Variants in DNAJC6 observed in about 807,000 individuals in gnomAD.
DNAJC6 encodes the protein auxilin.
A neutral mutation model predicts 110.0 loss-of-function variants in DNAJC6; 34 were observed. The ratio of observed to expected loss-of-function variants is 0.31; its 90% CI spans 0.24 to 0.41. The LOEUF (loss-of-function observed/expected upper bound fraction) is 0.41. Ranked by LOEUF, DNAJC6 falls within the 10% of genes least tolerant of loss-of-function variation. The pLI is 1.00. For missense variants in DNAJC6, 1,031 were observed against 1,207.8 expected, an observed-to-expected ratio of 0.85 and a Z score of 2.17; for synonymous variants, 406 against 437.2, an observed-to-expected ratio of 0.93 and a Z score of 0.89.
intron 5 of DNAJC6, 28 bp downstream of exon 5, chr1:65,379,552 A>G (rs1307783783): frequency 5.0e-6 from 8 of 1,612,806 alleles, no homozygotes; most frequent in East Asian, 2.2e-5. Context: ...GTTGGTGGTG[A>G]TGGTTTGGTT....
intron 1 of DNAJC6, among the ~76,000 whole-genome samples, chr1:65,311,267 C>T (rs1035165239): frequency 1.4e-4 from 18 of 127,346 alleles, no homozygotes; most frequent in Admixed American, 7.7e-4. Flanking sequence ...CTCTGTTGCC[C>T]GGGCTGGAGT....
chr1:65,381,578 G>A (rs1645823184), intron 5 of DNAJC6, among the ~76,000 whole-genome samples: 1 of 151,740 alleles, frequency 6.6e-6, no homozygotes, highest in South Asian at 2.1e-4. Flanking sequence ...ATAACAATAG[G>A]CTATACTAGT....
intron 4 of DNAJC6, among the ~76,000 whole-genome samples, chr1:65,366,444 T>C (rs1394720127): frequency 1.3e-5 from 2 of 152,216 alleles, no homozygotes; most frequent in African/African-American, 4.8e-5. Context: ...TCAAGTCTGT[T>C]GGTGCCTGGT....
intron 4 of DNAJC6, 73 bp from the exon 5 acceptor site, chr1:65,379,329 G>T: frequency 6.3e-7 from 1 of 1,575,332 alleles, no homozygotes; most frequent in Admixed American, 1.7e-5. Context: ...AGAAGATGTT[G>T]GTTGGTGTGA....
At position 65,407,502 on chromosome 1, in the gene DNAJC6, T is replaced by C. The variant is rs150383625; in HGVS notation, c.2492-1139T>C. On this transcript the variant is annotated intron_variant, in intron 16 of 18. Coordinates refer to ENST00000371069, the MANE Select transcript of DNAJC6 (RefSeq NM_001256864.2). ...CCTGGCAATCTGGCTCCAGAACCCC[T>C]GCCCTTCATTGCTACCCTCTACTGG... Among the ~76,000 whole-genome samples, 19 of 152,322 alleles carry C rather than the reference T, an allele frequency of 1.2e-4. No individual in the cohort carries two copies. In the East Asian group the frequency reaches 3.1e-3, roughly 25 times the overall value.
chr1:65,309,065 C>T (rs1645070840), upstream of DNAJC6, among the ~76,000 whole-genome samples: 1 of 152,190 alleles, frequency 6.6e-6, no homozygotes, highest in South Asian at 2.1e-4. Context: ...AGGACGGTTA[C>T]CGTCCTGGTG....
chr1:65,289,412 G>A (rs962276744), intron 1 of DNAJC6, among the ~76,000 whole-genome samples: 3 of 152,098 alleles, frequency 2.0e-5, no homozygotes, highest in Non-Finnish European at 4.4e-5. Context: ...GGCCAAGCTG[G>A]TCTTGATCTC....
intron 1 of DNAJC6, among the ~76,000 whole-genome samples, chr1:65,324,677 A>G (rs369610564): frequency 1.1e-4 from 17 of 152,078 alleles, no homozygotes; most frequent in African/African-American, 3.9e-4. Flanking sequence ...TTGTTTTCCC[A>G]GTGTTTGTTT....
In DNAJC6 at chr1:65,406,923, C is replaced by T. The variant is rs189385014; in HGVS notation, c.2491+790C>T. On this transcript the variant is annotated intron_variant, in intron 16 of 18. Transcript: ENST00000371069. ...TGGAAAGGCAATTCTTATGCTCTTC[C>T]TAATAGCTGTAGCTAACATTTATTG... Among the ~76,000 whole-genome samples, 8 of 152,276 alleles carry T rather than the reference C, an allele frequency of 5.3e-5. No individual in the cohort carries two copies. In the East Asian group the frequency reaches 1.4e-3, roughly 26 times the overall value.
At chr1:65,356,536 C>G (rs1233254157) in intron 1 of DNAJC6, among the ~76,000 whole-genome samples, 1 of 150,724 alleles carries the variant, frequency 6.6e-6, no homozygotes, top group Non-Finnish European at 1.5e-5. Flanking sequence ...TGCACTGCAG[C>G]CTAGATAACA....
chr1:65,375,982 T>A (rs1264536291), intron 4 of DNAJC6, among the ~76,000 whole-genome samples: 1 of 152,228 alleles, frequency 6.6e-6, no homozygotes, highest in East Asian at 1.9e-4. Flanking sequence ...CTTTTTTAAA[T>A]ATTTGGTAGA....
At chr1:65,339,292 A>G (rs1193627708) in intron 1 of DNAJC6, among the ~76,000 whole-genome samples, 1 of 152,186 alleles carries the variant, frequency 6.6e-6, no homozygotes, top group Non-Finnish European at 1.5e-5. Flanking sequence ...AAATTGCTGG[A>G]GTACGAACCC....
rs1297639464 is a variant in DNAJC6 at position 65,364,889 on chromosome 1, A to G, written c.344+104A>G. Reference sequence around the variant, plus strand: ...GCTCAAAGAGTGTCAATTTTGGGATATAATTTTATGGGATCTGATGAACTG... The same window carrying G: ...GCTCAAAGAGTGTCAATTTTGGGATGTAATTTTATGGGATCTGATGAACTG... On this transcript the variant is annotated intron_variant, in intron 2 of 18. Transcript: ENST00000371069. 9 of 1,440,126 alleles carry G rather than the reference A, an allele frequency of 6.2e-6. No homozygotes were observed. The Admixed American group carries it at 1.0e-4, about 16-fold the overall frequency. The allele number at this position is 1,440,126 out of a possible 1,614,324, so 89.2% of individuals were successfully genotyped here.
At chr1:65,272,503 C>G (rs1021074918) in intron 1 of DNAJC6, among the ~76,000 whole-genome samples, 5 of 152,090 alleles carry the variant, frequency 3.3e-5, no homozygotes, top group Non-Finnish European at 7.4e-5. Context: ...TGTTGTGGTG[C>G]CCTTGCCACA....
At chr1:65,267,415 A>G (rs1300790678) in intron 1 of DNAJC6, among the ~76,000 whole-genome samples, 1 of 152,238 alleles carries the variant, frequency 6.6e-6, no homozygotes, top group Non-Finnish European at 1.5e-5. Context: ...AGTGAGTCTT[A>G]GGCAACATTT....
chr1:65,359,149 T>G (rs993500296), intron 1 of DNAJC6, among the ~76,000 whole-genome samples: 5 of 152,244 alleles, frequency 3.3e-5, no homozygotes, highest in Non-Finnish European at 5.9e-5. Context: ...ATATAATTTC[T>G]AAATGACTAT....
intron 8 of DNAJC6, among the ~76,000 whole-genome samples, chr1:65,387,229 A>G (rs958047897): frequency 1.3e-5 from 2 of 152,194 alleles, no homozygotes; most frequent in African/African-American, 4.8e-5. Flanking sequence ...CCCCATTTGG[A>G]TCAGTGTAAG....
intron 1 of DNAJC6, among the ~76,000 whole-genome samples, chr1:65,335,669 C>T (rs7515346): frequency 0.037 from 5,678 of 152,020 alleles, 157 homozygotes; most frequent in South Asian, 0.14. Context: ...GTTGAATAGA[C>T]GAGTAGTGTG....
At chr1:65,363,429 A>T (rs892096136) in intron 1 of DNAJC6, among the ~76,000 whole-genome samples, 3 of 49,016 alleles carry the variant, frequency 6.1e-5, no homozygotes, top group African/African-American at 1.6e-4. Context: ...AGAGAGAGAC[A>T]GAGAAAGAGA....
Sources: allele counts gnomAD v4.1 joint callset (sites outside exome capture counted in the v4.1 genomes callset), GRCh38; gene constraint gnomAD v4.1.1; transcripts MANE v1.5; gene names NCBI Gene and HGNC (gene_info 2026-07-23, HGNC 2026-07-21).